The following NCALD variants were observed in gnomAD, a reference collection of about 807,000 sequenced individuals.
NCALD encodes the protein neurocalcin-delta.
NCALD carries 10 observed loss-of-function variants against 18.6 expected under a neutral mutation model. That is an observed-to-expected ratio of 0.54 (90% CI 0.33 to 0.91). The LOEUF is 0.91. NCALD is among the 40% of genes least tolerant of loss of function. The probability of loss-of-function intolerance (pLI) is 0.03; values close to 1 mark genes in which losing one functional copy is unlikely to be tolerated. For synonymous variants in NCALD, 88 were observed against 87.4 expected (o/e 1.01, Z -0.04); for missense variants, 184 against 247.6 (o/e 0.74, Z 1.72).
chr8:101,917,204 C>A (rs1818000600), intron 2 of NCALD, among the ~76,000 whole-genome samples: 1 of 151,978 alleles, frequency 6.6e-6, no homozygotes, highest in African/African-American at 2.4e-5. Flanking sequence ...CTCAAAATTG[C>A]AAAATTACAT....
chr8:101,894,729 A>AGAG (rs1485926560), intron 3 of NCALD, among the ~76,000 whole-genome samples: 13 of 151,598 alleles, frequency 8.6e-5, no homozygotes, highest in Non-Finnish European at 1.6e-4. Flanking sequence ...AGAATACTAC[A>AGAG]AACACCTCTA....
At chr8:102,053,508 C>T (rs946336055) in intron 1 of NCALD, among the ~76,000 whole-genome samples, 2 of 152,052 alleles carry the variant, frequency 1.3e-5, no homozygotes, top group African/African-American at 4.8e-5. Context: ...TCATTTAATC[C>T]TCACAGCAGC....
intron 1 of NCALD, among the ~76,000 whole-genome samples, chr8:102,059,886 A>G (rs2132253856): frequency 6.6e-6 from 1 of 152,338 alleles, no homozygotes; most frequent in African/African-American, 2.4e-5. Context: ...AGGGCCTGGT[A>G]AAACACAGCT....
intron 4 of NCALD, among the ~76,000 whole-genome samples, chr8:101,834,256 C>A (rs975215354): frequency 1.3e-5 from 2 of 152,180 alleles, no homozygotes; most frequent in Admixed American, 1.3e-4. Flanking sequence ...CAGAGGACAC[C>A]ACCATAACGT....
intron 1 of NCALD, among the ~76,000 whole-genome samples, chr8:101,744,072 G>T (rs1810325643): frequency 6.6e-6 from 1 of 152,218 alleles, no homozygotes; most frequent in Non-Finnish European, 1.5e-5. Context: ...ACCAAAGACA[G>T]ATCGACAGAT....
intron 4 of NCALD, among the ~76,000 whole-genome samples, chr8:101,844,101 T>C (rs1012727671): frequency 6.6e-6 from 1 of 152,168 alleles, no homozygotes; most frequent in Non-Finnish European, 1.5e-5. Flanking sequence ...TTCCTGAACA[T>C]CCTGACCTTT....
intron 4 of NCALD, among the ~76,000 whole-genome samples, chr8:101,867,633 T>A (rs1008019118): frequency 6.6e-6 from 1 of 152,198 alleles, no homozygotes; most frequent in Non-Finnish European, 1.5e-5. Flanking sequence ...TTATTTTTTA[T>A]CCGTGAAATT....
intron 1 of NCALD, among the ~76,000 whole-genome samples, chr8:101,783,749 G>T (rs1029711565): frequency 6.6e-6 from 1 of 152,320 alleles, no homozygotes; most frequent in South Asian, 2.1e-4. Context: ...TCTTGCTAAG[G>T]CATGCAGTCT....
chr8:101,822,555 GTTC>G (rs1719633566), intron 4 of NCALD, among the ~76,000 whole-genome samples: 1 of 152,176 alleles, frequency 6.6e-6, no homozygotes, highest in South Asian at 2.1e-4. Flanking sequence ...AGAAACCATT[GTTC>G]TTCTCTTTGC....
chr8:101,997,871 C>T (rs1274068718), intron 2 of NCALD, among the ~76,000 whole-genome samples: 1 of 152,182 alleles, frequency 6.6e-6, no homozygotes, highest in South Asian at 2.1e-4. Flanking sequence ...ACATGCCTTT[C>T]TACCACTGGG....
At chr8:101,784,353 A>G (rs1812136355) in intron 1 of NCALD, among the ~76,000 whole-genome samples, 1 of 152,126 alleles carries the variant, frequency 6.6e-6, no homozygotes. Context: ...ATAGCAAGAG[A>G]GAAAAAAATT....
chr8:101,816,068 T>A (rs1314463513), intron 4 of NCALD, among the ~76,000 whole-genome samples: 2 of 152,150 alleles, frequency 1.3e-5, no homozygotes, highest in Non-Finnish European at 2.9e-5. Flanking sequence ...TGATTCCAAC[T>A]ATAAGACGTT....
intron 2 of NCALD, among the ~76,000 whole-genome samples, chr8:101,712,972 A>G (rs1057169988): frequency 6.6e-6 from 1 of 152,208 alleles, no homozygotes; most frequent in Admixed American, 6.5e-5. Context: ...TCAACAGTGT[A>G]TACATTCTTC....
In NCALD at chr8:102,098,673, TAA is replaced by T. The variant is rs1296066134; in HGVS notation, c.-210+25562_-210+25563del. Among the ~76,000 whole-genome samples, 10 of 152,338 alleles carry T rather than the reference TAA, an allele frequency of 6.6e-5. No individual in the cohort carries two copies. In the East Asian group the frequency reaches 1.9e-3, roughly 29 times the overall value. On this transcript the variant is annotated intron_variant, in intron 1 of 6. Coordinates refer to the NCALD transcript ENST00000311028. ...GGATGAATAAAACTGGTCTTTCCCC[TAA>T]GAGAGTTTTGAAGCATCTTTTTTCT...
chr8:101,854,246 A>AGCT (rs1438109956), intron 4 of NCALD, among the ~76,000 whole-genome samples: 3 of 152,146 alleles, frequency 2.0e-5, no homozygotes, highest in Non-Finnish European at 4.4e-5. Flanking sequence ...AGTGTGCACC[A>AGCT]GCTGCTGCCC....
intron 1 of NCALD, among the ~76,000 whole-genome samples, chr8:102,037,783 A>G (rs1226447940): frequency 1.3e-5 from 2 of 152,202 alleles, no homozygotes; most frequent in Non-Finnish European, 2.9e-5. Flanking sequence ...ATGCCCATCT[A>G]GGAACACACT....
intron 1 of NCALD, among the ~76,000 whole-genome samples, chr8:101,766,402 T>G (rs1811348719): frequency 6.6e-6 from 1 of 152,208 alleles, no homozygotes; most frequent in Non-Finnish European, 1.5e-5. Flanking sequence ...ATCTTATCCC[T>G]TAAAGGGGAT....
chr8:102,062,905 G>C (rs934242893), intron 1 of NCALD, among the ~76,000 whole-genome samples: 1 of 152,104 alleles, frequency 6.6e-6, no homozygotes, highest in Admixed American at 6.5e-5. Flanking sequence ...GGGTCAGAGA[G>C]GGTGCAAATA....
chr8:101,779,497 G>A (rs1479611018), intron 1 of NCALD, among the ~76,000 whole-genome samples: 1 of 152,112 alleles, frequency 6.6e-6, no homozygotes. Context: ...CCCAAATATA[G>A]CAAACTAAAA....
Sources: allele counts gnomAD v4.1 joint callset (sites outside exome capture counted in the v4.1 genomes callset), GRCh38; gene constraint gnomAD v4.1.1; transcripts MANE v1.5; gene names NCBI Gene and HGNC (gene_info 2026-07-23, HGNC 2026-07-21).